The following SGCZ variants were observed in gnomAD, a reference collection of about 807,000 sequenced individuals.
SGCZ encodes the protein zeta-sarcoglycan.
In SGCZ, 40 loss-of-function variants were observed where a neutral mutation model predicts 41.3. The observed-to-expected ratio is 0.97, with a 90% CI of 0.75 to 1.26. SGCZ has a LOEUF of 1.26. SGCZ is among the 50% of genes most tolerant of loss of function. SGCZ has a pLI of 0.00. For missense variants in SGCZ, 552 were observed against 369.8 expected, an observed-to-expected ratio of 1.49 and a Z score of -4.04; for synonymous variants, 206 against 137.5, an observed-to-expected ratio of 1.50 and a Z score of -3.49.
intron 1 of SGCZ, among the ~76,000 whole-genome samples, chr8:14,738,960 T>C (rs1477531719): frequency 1.3e-5 from 2 of 152,052 alleles, no homozygotes; most frequent in Admixed American, 1.3e-4. Flanking sequence ...ACAACTATGA[T>C]TGGTGGCTAA....
chr8:14,379,249 A>G (rs1804264476), intron 2 of SGCZ, among the ~76,000 whole-genome samples: 1 of 152,310 alleles, frequency 6.6e-6, no homozygotes, highest in East Asian at 1.9e-4. Context: ...ATTTCTCACC[A>G]TTTTAAGTAA....
intron 2 of SGCZ, among the ~76,000 whole-genome samples, chr8:14,545,035 A>G (rs1054169240): frequency 6.6e-6 from 1 of 152,098 alleles, no homozygotes; most frequent in Admixed American, 6.5e-5. Flanking sequence ...ATCAAGTCCT[A>G]CAGATATGTG....
chr8:14,927,391 G>C (rs368065087), intron 1 of SGCZ, among the ~76,000 whole-genome samples: 4 of 151,956 alleles, frequency 2.6e-5, no homozygotes, highest in Admixed American at 2.0e-4. Flanking sequence ...TTACAGGCGT[G>C]AGCCACCGCG....
chr8:14,351,797 A>C (rs1803107931), intron 2 of SGCZ, among the ~76,000 whole-genome samples: 1 of 152,066 alleles, frequency 6.6e-6, no homozygotes, highest in Admixed American at 6.6e-5. Flanking sequence ...TATTTGGCAA[A>C]TGGGTCTCTT....
chr8:15,201,364 CCG>C (rs1800883800), intron 1 of SGCZ, among the ~76,000 whole-genome samples: 2 of 152,150 alleles, frequency 1.3e-5, no homozygotes, highest in African/African-American at 4.8e-5. Flanking sequence ...CAGGTACCTG[CCG>C]ATGACTCATA....
intron 1 of SGCZ, among the ~76,000 whole-genome samples, chr8:14,963,930 A>T (rs763469789): frequency 9.2e-5 from 14 of 152,090 alleles, no homozygotes; most frequent in Non-Finnish European, 2.1e-4. Context: ...CCCAGAAAAA[A>T]TTTTTTCTAA....
At chr8:15,049,418 G>C (rs1403325471) in intron 1 of SGCZ, among the ~76,000 whole-genome samples, 1 of 152,140 alleles carries the variant, frequency 6.6e-6, no homozygotes, top group Non-Finnish European at 1.5e-5. Flanking sequence ...CAACTAGGAA[G>C]TCTGTAGACA....
At chr8:14,498,345 T>G (rs754072644) in intron 2 of SGCZ, among the ~76,000 whole-genome samples, 6 of 152,128 alleles carry the variant, frequency 3.9e-5, no homozygotes, top group Non-Finnish European at 7.4e-5. Flanking sequence ...AATTTGTATT[T>G]TGTTGGGTTC....
intron 2 of SGCZ, among the ~76,000 whole-genome samples, chr8:14,395,308 A>C (rs924458293): frequency 1.3e-5 from 2 of 152,194 alleles, no homozygotes; most frequent in African/African-American, 4.8e-5. Flanking sequence ...GTAATAAAGA[A>C]ATAAAAGAGT....
At chr8:14,188,199 G>C (rs1325469818) in intron 4 of SGCZ, among the ~76,000 whole-genome samples, 2 of 152,144 alleles carry the variant, frequency 1.3e-5, no homozygotes, top group African/African-American at 2.4e-5. Flanking sequence ...AAATTCTTCA[G>C]GCAGAAAGCA....
At chr8:14,990,421 C>G (rs1047887499) in intron 1 of SGCZ, among the ~76,000 whole-genome samples, 1 of 152,078 alleles carries the variant, frequency 6.6e-6, no homozygotes, top group Non-Finnish European at 1.5e-5. Flanking sequence ...TACTTTCAGC[C>G]GCTCCCCATC....
intron 1 of SGCZ, among the ~76,000 whole-genome samples, chr8:14,957,510 C>T (rs1312738691): frequency 6.6e-6 from 1 of 151,946 alleles, no homozygotes; most frequent in African/African-American, 2.4e-5. Context: ...ATTTAATATA[C>T]ATGTTTAGTA....
chr8:15,125,995 A>G (rs1354285992), intron 1 of SGCZ, among the ~76,000 whole-genome samples: 1 of 152,088 alleles, frequency 6.6e-6, no homozygotes, highest in Non-Finnish European at 1.5e-5. Flanking sequence ...AAAATACAAA[A>G]ATTAGCCGGG....
intron 1 of SGCZ, chr8:14,690,557 G>C (rs1470383640): frequency 6.6e-6 from 1 of 152,162 alleles, no homozygotes; most frequent in Non-Finnish European, 1.5e-5. Flanking sequence ...CAACGACCAA[G>C]AATGACACCA....
intron 7 of SGCZ, among the ~76,000 whole-genome samples, chr8:14,101,609 A>C (rs958995457): frequency 1.1e-5 from 1 of 87,012 alleles, no homozygotes; most frequent in African/African-American, 2.7e-5. Context: ...AATAAAGGTA[A>C]TATAGAAGAA....
At position 15,096,221 on chromosome 8, in the gene SGCZ, T is replaced by C. The variant is rs148137951; in HGVS notation, c.39+141364A>G. Among the ~76,000 whole-genome samples the C allele has an allele frequency of 9.5e-3, 1,448 of 151,792 alleles. 18 individuals are homozygous for C. The highest frequency in any genetic ancestry group is 0.014 in the Non-Finnish European group (955 of 67,880). On this transcript the variant is annotated intron_variant, in intron 1 of 7. Coordinates refer to ENST00000382080, the MANE Select transcript of SGCZ (RefSeq NM_139167.4). Reference sequence around the variant, plus strand: ...CCTCCCAAGAAACTGAGATTACAGGTGTGCACAACCACGCCCAGCTAACTT... The same window carrying C: ...CCTCCCAAGAAACTGAGATTACAGGCGTGCACAACCACGCCCAGCTAACTT...
chr8:15,179,946 G>A (rs770878842), intron 1 of SGCZ, among the ~76,000 whole-genome samples: 1 of 152,158 alleles, frequency 6.6e-6, no homozygotes, highest in African/African-American at 2.4e-5. Context: ...GTCATCAAAT[G>A]TGCCAACTCC....
At chr8:14,959,035 T>A (rs868239678) in intron 1 of SGCZ, among the ~76,000 whole-genome samples, 1 of 152,124 alleles carries the variant, frequency 6.6e-6, no homozygotes, top group South Asian at 2.1e-4. Context: ...ACAAACATTT[T>A]TTCTTCCTTA....
At chr8:14,232,542 A>G (rs1293873635) in intron 4 of SGCZ, among the ~76,000 whole-genome samples, 1 of 152,050 alleles carries the variant, frequency 6.6e-6, no homozygotes, top group African/African-American at 2.4e-5. Context: ...TGAGAAATTA[A>G]AGATTATAAT....
Sources: allele counts gnomAD v4.1 joint callset (sites outside exome capture counted in the v4.1 genomes callset), GRCh38; gene constraint gnomAD v4.1.1; transcripts MANE v1.5; gene names NCBI Gene and HGNC (gene_info 2026-07-23, HGNC 2026-07-21).